The following ITGB8 variants were observed in gnomAD, a reference collection of about 807,000 sequenced individuals.
ITGB8 encodes the protein integrin subunit beta 8.
ITGB8 carries 30 observed loss-of-function variants against 89.5 expected under a neutral mutation model. That is an observed-to-expected ratio of 0.34 (90% CI 0.25 to 0.45). The LOEUF (loss-of-function observed/expected upper bound fraction) is 0.45. Ranked by LOEUF, ITGB8 falls within the 20% of genes least tolerant of loss-of-function variation. ITGB8 has a pLI of 1.00. For synonymous variants in ITGB8, 335 were observed against 320.4 expected (o/e 1.05, Z -0.49); for missense variants, 836 against 933.3 (o/e 0.90, Z 1.36).
intron 1 of ITGB8, among the ~76,000 whole-genome samples, chr7:20,349,276 G>A (rs949098197): frequency 1.3e-5 from 2 of 151,892 alleles, no homozygotes; most frequent in Non-Finnish European, 2.9e-5. Flanking sequence ...AGGATATAAA[G>A]TATAATATTG....
rs1787737582 is a variant in ITGB8 at position 20,410,889 on chromosome 7, ATTG to A, written c.*895_*897del. 3 of 152,730 alleles carry A rather than the reference ATTG, an allele frequency of 2.0e-5. No individual in the cohort carries two copies. Among genetic ancestry groups the A allele is most frequent in the African/African-American group, 7.2e-5 (3 of 41,574 alleles). The allele number at this position is 152,730 out of a possible 1,614,324, so 9.5% of individuals were successfully genotyped here. Reference sequence around the variant, plus strand: ...TCCTCTTACCTGGTAAACTGAAGGGATTGTTTGGCCATTTCATTTATCTTATCA... The same window carrying A: ...TCCTCTTACCTGGTAAACTGAAGGGATTTGGCCATTTCATTTATCTTATCA... On this transcript the variant is annotated 3_prime_UTR_variant, in exon 14 of 14. Transcript: ENST00000222573.
At position 20,414,798 on chromosome 7, in the gene ITGB8, T is replaced by TA. The variant is rs1394252321; in HGVS notation, c.*4803dup. On this transcript the variant is annotated 3_prime_UTR_variant, in exon 14 of 14. Transcript: ENST00000222573. ...GCTGTTAATGTAAACCTGAGAGTAA[T>TA]AACACTACTCTTTTATCTACCTGGA... 3.3e-5 allele frequency: 5 copies of TA among 152,574 alleles called. No homozygotes were observed. The highest frequency in any genetic ancestry group is 1.2e-4 in the African/African-American group (5 of 41,460). 9.5% of individuals were successfully genotyped at this position (152,574 alleles called of 1,614,324 possible). A position where few individuals can be genotyped will look rare whatever the true frequency, so the allele number is the denominator to read the frequency against.
chr7:20,335,021 C>T (rs572830045), intron 1 of ITGB8, among the ~76,000 whole-genome samples: 1 of 152,076 alleles, frequency 6.6e-6, no homozygotes, highest in African/African-American at 2.4e-5. Context: ...TACTCATCAC[C>T]CAGCTTCATT....
chr7:20,331,788 G>T lies in ITGB8; in HGVS notation c.-19G>T. The T allele has an allele frequency of 6.2e-7, 1 of 1,606,890 alleles. No individual in the cohort carries two copies. Among genetic ancestry groups the T allele is most frequent in the Non-Finnish European group, 8.5e-7 (1 of 1,177,094 alleles). On this transcript the variant is annotated 5_prime_UTR_variant, in exon 1 of 14. Coordinates refer to ENST00000222573, the MANE Select transcript of ITGB8 (RefSeq NM_002214.3). The stretch of plus-strand genomic sequence containing the variant: ...GGAAGGCAGTCAGGCGGCGGGCGCG[G>T]GGCGGGCTGTTTTGCATTATGTGCG...
rs1787818667 is a variant in ITGB8, at chr7:20,413,077, G to A, written c.*3080G>A. 6.6e-6 allele frequency: 1 copy of A among 151,982 alleles called. No individual in the cohort carries two copies. The highest frequency in any genetic ancestry group is 2.4e-5 in the African/African-American group (1 of 41,378). 9.4% of individuals were successfully genotyped at this position (151,982 alleles called of 1,614,324 possible). ...GCTTTGTTATGCATTTTATTTCTCTGGGGACACCATTGCACTGCAGTGCAC... is the reference window on the plus strand; with the variant it reads ...GCTTTGTTATGCATTTTATTTCTCTAGGGACACCATTGCACTGCAGTGCAC... On this transcript the variant is annotated 3_prime_UTR_variant, in exon 14 of 14. Coordinates refer to ENST00000222573, the MANE Select transcript of ITGB8 (RefSeq NM_002214.3).
chr7:20,333,149 A>G (rs1784465981), intron 1 of ITGB8, among the ~76,000 whole-genome samples: 1 of 152,138 alleles, frequency 6.6e-6, no homozygotes, highest in South Asian at 2.1e-4. Flanking sequence ...ATATATATAG[A>G]TATAGAGATA....
intron 5 of ITGB8, chr7:20,381,113 C>T (rs1786361885): frequency 3.7e-6 from 1 of 271,722 alleles, no homozygotes; most frequent in South Asian, 6.3e-5. Context: ...CGCCACACTC[C>T]AAGGAGGAAC....
Position 20,340,120 on chromosome 7 carries a change from C to G in ITGB8, c.127+8187C>G, listed in dbSNP as rs186749894. Among the ~76,000 whole-genome samples, 204 of 152,310 alleles carry G rather than the reference C, an allele frequency of 1.3e-3. 1 individual carries two copies. The highest frequency in any genetic ancestry group is 3.4e-3 in the Middle Eastern group (1 of 294). On this transcript the variant is annotated intron_variant, in intron 1 of 13. Transcript: ENST00000222573. ...ATGCTGACCTCATCAATGAGCCAACCATCACTGCTATAATGGTTTTAGACG... is the reference window on the plus strand; with the variant it reads ...ATGCTGACCTCATCAATGAGCCAACGATCACTGCTATAATGGTTTTAGACG...
At chr7:20,407,763 T>G (rs538904746) in intron 12 of ITGB8, among the ~76,000 whole-genome samples, 127 of 152,316 alleles carry the variant, frequency 8.3e-4, no homozygotes, top group African/African-American at 2.7e-3. Context: ...TTGACTTAAG[T>G]GTTGTTACAA....
intron 12 of ITGB8, among the ~76,000 whole-genome samples, chr7:20,408,535 A>C (rs1787638301): frequency 6.6e-6 from 1 of 152,268 alleles, no homozygotes. Flanking sequence ...CCACTATGCT[A>C]AGCCTTGGCA....
intron 3 of ITGB8, among the ~76,000 whole-genome samples, chr7:20,368,393 A>G (rs1785790591): frequency 6.6e-6 from 1 of 152,188 alleles, no homozygotes; most frequent in Non-Finnish European, 1.5e-5. Flanking sequence ...TTCCAGTTGA[A>G]TACATCCACT....
At chr7:20,353,651 C>CT (rs1785183312) in intron 1 of ITGB8, among the ~76,000 whole-genome samples, 23 of 151,548 alleles carry the variant, frequency 1.5e-4, no homozygotes, top group African/African-American at 5.6e-4. Flanking sequence ...AAACGGTAAT[C>CT]GGCCGGGCGC....
intron 1 of ITGB8, among the ~76,000 whole-genome samples, chr7:20,347,442 G>C (rs1412665515): frequency 6.6e-6 from 1 of 152,064 alleles, no homozygotes; most frequent in Non-Finnish European, 1.5e-5. Flanking sequence ...CGATAAGGAA[G>C]GCCTCAACTA....
At chr7:20,406,841 CTT>C (rs1787564890) in intron 12 of ITGB8, among the ~76,000 whole-genome samples, 1 of 152,150 alleles carries the variant, frequency 6.6e-6, no homozygotes, top group African/African-American at 2.4e-5. Flanking sequence ...GTTCCATACA[CTT>C]TTCATTATGT....
intron 8 of ITGB8, among the ~76,000 whole-genome samples, chr7:20,397,840 C>T (rs1051284316): frequency 2.6e-5 from 4 of 152,136 alleles, no homozygotes; most frequent in Admixed American, 2.6e-4. Context: ...GTTGATTATA[C>T]CATTGAAGAA....
At chr7:20,356,012 C>T (rs555828368) in intron 1 of ITGB8, among the ~76,000 whole-genome samples, 2 of 152,330 alleles carry the variant, frequency 1.3e-5, no homozygotes, top group South Asian at 4.1e-4. Context: ...ATCTCAGACA[C>T]TAACTTCCCG....
chr7:20,400,955 A>G (rs958287726), intron 9 of ITGB8, among the ~76,000 whole-genome samples: 21 of 152,222 alleles, frequency 1.4e-4, no homozygotes, highest in African/African-American at 5.1e-4. Flanking sequence ...TGAACATCTT[A>G]TCTCAGGGTT....
In ITGB8 at chr7:20,415,344, G is replaced by A. The variant is rs939215165; in HGVS notation, c.*5347G>A. ...AAAAACTTATTTTGTTTCACCTAACGAATACTGCGTTTGTAAAAATAAATT... is the reference window on the plus strand; with the variant it reads ...AAAAACTTATTTTGTTTCACCTAACAAATACTGCGTTTGTAAAAATAAATT... On this transcript the variant is annotated 3_prime_UTR_variant, in exon 14 of 14. Coordinates refer to ENST00000222573, the MANE Select transcript of ITGB8 (RefSeq NM_002214.3). 3 of 151,468 alleles carry A rather than the reference G, an allele frequency of 2.0e-5. No individual in the cohort carries two copies. The highest frequency in any genetic ancestry group is 7.3e-5 in the African/African-American group (3 of 41,310). The allele number at this position is 151,468 out of a possible 1,614,324, so 9.4% of individuals were successfully genotyped here.
rs1370422512 is a variant in ITGB8 at position 20,331,279 on chromosome 7, TGA to T, written c.-527_-526del. ...TGCCCACCTGTGGAAGCAACTGCGCTGATTGATGCGCCACAGACTTTTTTCCC... is the reference window on the plus strand; with the variant it reads ...TGCCCACCTGTGGAAGCAACTGCGCTTTGATGCGCCACAGACTTTTTTCCC... On this transcript the variant is annotated 5_prime_UTR_variant, in exon 1 of 14. The change abolishes the stop of an existing upstream ORF in the 5' untranslated region. Coordinates refer to ENST00000222573, the MANE Select transcript of ITGB8 (RefSeq NM_002214.3). The T allele has an allele frequency of 8.9e-6, 3 of 337,900 alleles. No homozygotes were observed. The East Asian group carries it at 1.3e-4, about 15-fold the overall frequency. The allele number at this position is 337,900 out of a possible 1,614,324, so 20.9% of individuals were successfully genotyped here. A position where few individuals can be genotyped will look rare whatever the true frequency, so the allele number is the denominator to read the frequency against.
Sources: allele counts gnomAD v4.1 joint callset (sites outside exome capture counted in the v4.1 genomes callset), GRCh38; gene constraint gnomAD v4.1.1; transcripts MANE v1.5; gene names NCBI Gene and HGNC (gene_info 2026-07-23, HGNC 2026-07-21).